The following PER3 variants were observed in gnomAD, a reference collection of about 807,000 sequenced individuals.
PER3 encodes the protein period circadian regulator 3.
Under a neutral mutation model 127.2 loss-of-function variants are expected in PER3, and 107 were observed. The observed-to-expected ratio is 0.84, with a 90% confidence interval of 0.72 to 0.99. The LOEUF is 0.99. Ranked by LOEUF, PER3 falls within the 50% of genes least tolerant of loss-of-function variation. The pLI is 0.00. For synonymous variants in PER3, 618 were observed against 585.8 expected, an observed-to-expected ratio of 1.05 and a Z score of -0.79; for missense variants, 1,560 against 1,525.8, an observed-to-expected ratio of 1.02 and a Z score of -0.37.
At chr1:7,786,612 ACT>A in intron 3 of PER3, 107 bp from the exon 4 acceptor site, 1 of 614,108 alleles carries the variant, frequency 1.6e-6, no homozygotes. Context: ...AGAAAAATGC[ACT>A]GAGGTGTTCT....
In PER3 at chr1:7,827,218, C is replaced by G. The variant is rs773281628; in HGVS notation, c.2289C>G (p.Thr763=). The G allele has an allele frequency of 6.2e-7, 1 of 1,613,938 alleles. No individual in the cohort carries two copies. Among genetic ancestry groups the G allele is most frequent in the Non-Finnish European group, 8.5e-7 (1 of 1,179,946 alleles). The part of the protein sequence containing the change: ...PEPPDSSSSN[T]GSGPRRGAHQ... The stretch of plus-strand genomic sequence containing the variant: ...CGCCAGACAGCAGCAGCTCGAACAC[C>G]GGCTCTGGTCCCCGCAGGGGAGCGC... The change falls in exon 18 of 22, where the codon ACC becomes ACG. Residue 763 remains threonine, a synonymous_variant. Transcript: ENST00000377532.
At chr1:7,786,296 G>T (rs904219548) in intron 3 of PER3, among the ~76,000 whole-genome samples, 2 of 152,122 alleles carry the variant, frequency 1.3e-5, no homozygotes, top group African/African-American at 4.8e-5. Flanking sequence ...GATATATCAG[G>T]AATTTACCAA....
intron 5 of PER3, among the ~76,000 whole-genome samples, chr1:7,789,140 A>AT (rs1553301246): frequency 4.5e-5 from 6 of 133,236 alleles, no homozygotes; most frequent in African/African-American, 1.1e-4. Flanking sequence ...AGAGCTTTAA[A>AT]ATATATATAT....
intron 2 of PER3, 84 bp from the exon 3 acceptor site, chr1:7,785,357 A>C (rs1411698787): frequency 2.8e-6 from 3 of 1,085,332 alleles, no homozygotes; most frequent in Non-Finnish European, 4.2e-6. Context: ...TTAGAAACTT[A>C]CCTGGCTTGC....
At chr1:7,840,813 G>T (rs2151326061) in intron 21 of PER3, among the ~76,000 whole-genome samples, 1 of 150,864 alleles carries the variant, frequency 6.6e-6, no homozygotes, top group Admixed American at 6.6e-5. Context: ...TCACTCTGTT[G>T]CCCAGTCTGG....
chr1:7,827,482 C>G lies in PER3; in HGVS notation c.2553C>G (p.Tyr851Ter), dbSNP rs147905721. The change falls in exon 18 of 22, where the codon TAC becomes TAG. Residue 851 changes from tyrosine (Y) to a stop codon, truncating the protein, a stop_gained. Coordinates refer to ENST00000377532, the MANE Select transcript of PER3 (RefSeq NM_001377275.1). LOFTEE classifies it high-confidence loss of function. ...CTTACCCAGCTTTCCCTTTTCCTTA[C>G]TTGGATACTTTTATGACCGTTTTCC... ...LQPYPAFPFP[Y>*]LDTFMTVFLP... 7 of 1,614,104 alleles carry G rather than the reference C, an allele frequency of 4.3e-6. No homozygotes were observed. The Admixed American group carries it at 1.0e-4, about 23-fold the overall frequency.
chr1:7,836,397 T>C (rs1291166170), intron 20 of PER3, among the ~76,000 whole-genome samples: 1 of 152,218 alleles, frequency 6.6e-6, no homozygotes, highest in Non-Finnish European at 1.5e-5. Context: ...CAGGTTGATC[T>C]TGAACTCCTG....
intron 5 of PER3, among the ~76,000 whole-genome samples, chr1:7,789,459 T>C (rs1577627020): frequency 6.6e-6 from 1 of 152,230 alleles, no homozygotes; most frequent in African/African-American, 2.4e-5. Context: ...CTGCCGTCCA[T>C]GTAAGATGTA....
At chr1:7,794,907 G>A (rs1473182544) in intron 6 of PER3, among the ~76,000 whole-genome samples, 2 of 151,114 alleles carry the variant, frequency 1.3e-5, no homozygotes, top group Admixed American at 6.6e-5. Flanking sequence ...ATGTATATAA[G>A]ATGATATAAT....
chr1:7,790,094 A>AT (rs1204723337), intron 5 of PER3, among the ~76,000 whole-genome samples: 1 of 152,036 alleles, frequency 6.6e-6, no homozygotes, highest in Non-Finnish European at 1.5e-5. Flanking sequence ...TTCCCCAGGT[A>AT]TTTTTCCTTC....
chr1:7,823,414 G>A lies in PER3; in HGVS notation c.1957+2774G>A, dbSNP rs2097286687. On this transcript the variant is annotated intron_variant, in intron 16 of 21. Coordinates refer to ENST00000377532, the MANE Select transcript of PER3 (RefSeq NM_001377275.1). ...TCCCAGCACTTTGGGAGGCCAAGGC[G>A]GGCGGATCACCTGAGGTCAGGAGTT... Among the ~76,000 whole-genome samples the A allele has an allele frequency of 2.0e-5, 3 of 152,120 alleles. 1 individual carries two copies. In the South Asian group the frequency reaches 6.2e-4, roughly 31 times the overall value.
rs375965833 is a variant in PER3, at chr1:7,803,756, A to C, written c.1044A>C (p.Gly348=). 31 of 1,610,224 alleles carry C rather than the reference A, an allele frequency of 1.9e-5. No homozygotes were observed. The Middle Eastern group carries it at 6.6e-4, about 34-fold the overall frequency. The change falls in exon 10 of 22, where the codon GGA becomes GGC. Residue 348 remains glycine (G), a synonymous_variant. Transcript: ENST00000377532. ...HSPIRFCTQN[G]DYIILDSSWS... ...CCATTCGATTTTGTACTCAAAACGG[A>C]GACTACATCATACTGGATTCCAGTT... is the stretch of plus-strand genomic sequence containing the variant.
intron 6 of PER3, 50 bp downstream of exon 6, chr1:7,794,058 T>G: frequency 6.8e-7 from 1 of 1,465,090 alleles, no homozygotes; most frequent in Non-Finnish European, 9.6e-7. Context: ...ATGTTCTGAG[T>G]TTATTTTGCA....
chr1:7,835,854 G>A lies in PER3; in HGVS notation c.3307G>A (p.Glu1103Lys), dbSNP rs1358531550. 3 of 1,612,532 alleles carry A rather than the reference G, an allele frequency of 1.9e-6. No individual in the cohort carries two copies. The highest frequency in any genetic ancestry group is 1.3e-5 in the African/African-American group (1 of 75,018). ...GCAATCTCAGGACGTACAGAAAAAA[G>A]AAACATTTCCTAATGTCGCCGAAGA... ...GQQSQDVQKK[E>K]TFPNVAEEPI... Residue 1103 changes from glutamate to lysine, a missense_variant, in exon 20 of 22, where the codon GAA becomes AAA. Transcript: ENST00000377532.
At chr1:7,831,010 CGTG>C (rs1417314789) in intron 19 of PER3, among the ~76,000 whole-genome samples, 2 of 152,086 alleles carry the variant, frequency 1.3e-5, no homozygotes, top group Admixed American at 6.6e-5. Flanking sequence ...AAAAAAGTCT[CGTG>C]GTGTTTGGAA....
Position 7,837,030 on chromosome 1 carries a change from GA to G in PER3, c.3434del (p.Lys1145SerfsTer2). On this transcript the variant is annotated frameshift_variant, in exon 21 of 22. Coordinates refer to ENST00000377532, the MANE Select transcript of PER3 (RefSeq NM_001377275.1). LOFTEE classifies it high-confidence loss of function. ...VKEVVLKEDL[E>X]KLESMRQQQP... ...AGAAGTTGTACTAAAAGAAGACCTG[GA>G]AAAGCTAGAAAGTATGAGGCAGCAG... 1 of 1,613,816 alleles carries G rather than the reference GA, an allele frequency of 6.2e-7. No homozygotes were observed. Among genetic ancestry groups the G allele is most frequent in the South Asian group, 1.1e-5 (1 of 91,042 alleles).
chr1:7,803,182 A>G (rs778073875), intron 9 of PER3, 29 bp downstream of exon 9: 7 of 1,266,766 alleles, frequency 5.5e-6, no homozygotes, highest in African/African-American at 1.5e-5. Flanking sequence ...ATAGGAGGAA[A>G]TATTTTTCTC....
At chr1:7,800,129 C>T (rs542557141) in intron 7 of PER3, among the ~76,000 whole-genome samples, 66 of 152,022 alleles carry the variant, frequency 4.3e-4, no homozygotes, top group Admixed American at 5.2e-4. Flanking sequence ...TCTGCATTCA[C>T]TTAAGGCTTC....
chr1:7,797,631 G>A (rs1376282187), intron 6 of PER3, among the ~76,000 whole-genome samples: 1 of 143,400 alleles, frequency 7.0e-6, no homozygotes, highest in African/African-American at 2.6e-5. Context: ...GCGAGACTCC[G>A]TCTTTAAAAA....
Sources: allele counts gnomAD v4.1 joint callset (sites outside exome capture counted in the v4.1 genomes callset), GRCh38; gene constraint gnomAD v4.1.1; transcripts MANE v1.5; gene names NCBI Gene and HGNC (gene_info 2026-07-23, HGNC 2026-07-21).